Variants in SMAD2 observed in about 807,000 individuals in gnomAD.
SMAD2 encodes the protein MAD homolog 2.
A neutral mutation model predicts 64.4 loss-of-function variants in SMAD2; 8 were observed. That is an observed-to-expected ratio of 0.12 (90% CI 0.07 to 0.22). The LOEUF (loss-of-function observed/expected upper bound fraction) is 0.22, where lower values mean the gene tolerates loss of function less well. SMAD2 is among the 10% of genes least tolerant of loss of function. The pLI is 1.00. For missense variants in SMAD2, 289 were observed against 561.2 expected (o/e 0.51, Z 4.90); for synonymous variants, 203 against 195.8 (o/e 1.04, Z -0.31).
At chr18:47,882,646 G>A (rs1388080982) in intron 2 of SMAD2, among the ~76,000 whole-genome samples, 1 of 152,142 alleles carries the variant, frequency 6.6e-6, no homozygotes, top group Non-Finnish European at 1.5e-5. Flanking sequence ...TCAGGGTTAT[G>A]TGAGCCTCAT....
At chr18:47,855,600 A>G (rs1296939828) in intron 6 of SMAD2, among the ~76,000 whole-genome samples, 4 of 152,032 alleles carry the variant, frequency 2.6e-5, no homozygotes, top group African/African-American at 9.7e-5. Context: ...TTTACTGGTT[A>G]TAGTATTCTT....
intron 1 of SMAD2, among the ~76,000 whole-genome samples, chr18:47,900,799 T>C (rs2144488477): frequency 6.6e-6 from 1 of 152,304 alleles, no homozygotes; most frequent in Admixed American, 6.5e-5. Context: ...TTTCAATCAG[T>C]TTAAAATATT....
intron 1 of SMAD2, among the ~76,000 whole-genome samples, chr18:47,913,726 T>C (rs200392597): frequency 6.6e-6 from 1 of 152,184 alleles, no homozygotes; most frequent in African/African-American, 2.4e-5. Flanking sequence ...AAAAGAAAAC[T>C]AGATTTATAA....
In SMAD2 at chr18:47,849,222, C is replaced by T. The variant is rs1379541921; in HGVS notation, c.785-535G>A. Reference sequence around the variant, plus strand: ...TACCCTAGCTACAAAAAGAGAAAACCCACTCATACATAAGAACCAGAAAGC... The same window carrying T: ...TACCCTAGCTACAAAAAGAGAAAACTCACTCATACATAAGAACCAGAAAGC... On this transcript the variant is annotated intron_variant, in intron 7 of 10. Transcript: ENST00000262160. 2.6e-5 allele frequency among the ~76,000 whole-genome samples: 4 copies of T among 151,746 alleles called. No individual in the cohort carries two copies. The East Asian group carries it at 5.8e-4, about 22-fold the overall frequency.
intron 6 of SMAD2, among the ~76,000 whole-genome samples, chr18:47,862,577 A>G: frequency 6.6e-6 from 1 of 152,204 alleles, no homozygotes; most frequent in East Asian, 1.9e-4. Context: ...ATTAGGGCCC[A>G]TCGTACTTCA....
chr18:47,874,987 T>G (rs2032183429), intron 2 of SMAD2, among the ~76,000 whole-genome samples: 1 of 152,156 alleles, frequency 6.6e-6, no homozygotes, highest in South Asian at 2.1e-4. Context: ...TCTAAAACAT[T>G]AGAGGCACAT....
At chr18:47,888,845 C>G (rs2033045026) in intron 2 of SMAD2, among the ~76,000 whole-genome samples, 1 of 152,102 alleles carries the variant, frequency 6.6e-6, no homozygotes, top group African/African-American at 2.4e-5. Flanking sequence ...TGGACAATAA[C>G]AGAAGCAGAC....
intron 1 of SMAD2, among the ~76,000 whole-genome samples, chr18:47,905,309 CTG>C (rs1454360393): frequency 6.6e-6 from 1 of 152,074 alleles, no homozygotes; most frequent in African/African-American, 2.4e-5. Context: ...ATGAAAAACA[CTG>C]AACAAAGAGA....
In SMAD2 at chr18:47,809,837, G is replaced by C. The variant is rs1392486193; in HGVS notation, c.*31990C>G. The C allele has an allele frequency of 6.6e-6, 1 of 152,266 alleles. No individual in the cohort carries two copies. Among genetic ancestry groups the C allele is most frequent in the East Asian group, 1.9e-4 (1 of 5,184 alleles). The allele number at this position is 152,266 out of a possible 1,614,324, so 9.4% of individuals were successfully genotyped here. A position where few individuals can be genotyped will look rare whatever the true frequency, so the allele number is the denominator to read the frequency against. On this transcript the variant is annotated 3_prime_UTR_variant, in exon 11 of 11. Transcript: ENST00000262160. Reference sequence around the variant, plus strand: ...TTCTTTTTAATTCTCCAACCAAAAAGAACTACTCATTTCCTTTTGCCTCAT... The same window carrying C: ...TTCTTTTTAATTCTCCAACCAAAAACAACTACTCATTTCCTTTTGCCTCAT...
At chr18:47,860,911 C>T (rs1314588936) in intron 6 of SMAD2, among the ~76,000 whole-genome samples, 2 of 152,082 alleles carry the variant, frequency 1.3e-5, no homozygotes, top group Non-Finnish European at 1.5e-5. Context: ...AAAATATCCA[C>T]AATTAACATC....
Position 47,841,478 on chromosome 18 carries a change from A to G in SMAD2, c.*349T>C. 2.5e-6 allele frequency: 1 copy of G among 398,998 alleles called. No individual in the cohort carries two copies. Among genetic ancestry groups the G allele is most frequent in the East Asian group, 4.0e-5 (1 of 24,928 alleles). 24.7% of individuals were successfully genotyped at this position (398,998 alleles called of 1,614,324 possible). A position where few individuals can be genotyped will look rare whatever the true frequency, so the allele number is the denominator to read the frequency against. On this transcript the variant is annotated 3_prime_UTR_variant, in exon 11 of 11. Coordinates refer to ENST00000262160, the MANE Select transcript of SMAD2 (RefSeq NM_005901.6). ...ATCTATGCAAACTAAAAATGTATAT[A>G]AACAGCACAATACTGTGATACTGGA... is the stretch of plus-strand genomic sequence containing the variant.
At chr18:47,882,883 T>G (rs970736676) in intron 2 of SMAD2, among the ~76,000 whole-genome samples, 1 of 152,224 alleles carries the variant, frequency 6.6e-6, no homozygotes, top group Non-Finnish European at 1.5e-5. Flanking sequence ...TCATCAAATT[T>G]AATGGCATAA....
At chr18:47,845,943 C>T (rs1023757448) in intron 8 of SMAD2, 143 bp from the exon 9 acceptor site, 4 of 727,434 alleles carry the variant, frequency 5.5e-6, no homozygotes, top group South Asian at 4.7e-5. Context: ...TGAAGTCTAA[C>T]TTTAAATATA....
chr18:47,851,488 G>T (rs185068236), intron 6 of SMAD2, among the ~76,000 whole-genome samples, 161 bp from the exon 7 acceptor site: 2 of 142,688 alleles, frequency 1.4e-5, no homozygotes, highest in African/African-American at 5.1e-5. Context: ...AGTTTAATTT[G>T]TGGGGGGTCG....
chr18:47,845,040 G>A (rs1014659023), intron 10 of SMAD2: 4 of 573,344 alleles, frequency 7.0e-6, no homozygotes, highest in African/African-American at 1.9e-5. Context: ...TGAGCACCGT[G>A]TGCAAACATC....
In SMAD2 at chr18:47,826,480, C is replaced by A. The variant is rs1488995941; in HGVS notation, c.*15347G>T. 1 of 152,222 alleles carries A rather than the reference C, an allele frequency of 6.6e-6. No individual in the cohort carries two copies. The highest frequency in any genetic ancestry group is 2.4e-5 in the African/African-American group (1 of 41,460). 9.4% of individuals were successfully genotyped at this position (152,222 alleles called of 1,614,324 possible). A position where few individuals can be genotyped will look rare whatever the true frequency, so the allele number is the denominator to read the frequency against. On this transcript the variant is annotated 3_prime_UTR_variant, in exon 11 of 11. Coordinates refer to ENST00000262160, the MANE Select transcript of SMAD2 (RefSeq NM_005901.6). ...CATGAAAGGGAGTTATGGGATTGGG[C>A]TTGGCTGTTGTTGCCTTCTACAACC...
intron 4 of SMAD2, among the ~76,000 whole-genome samples, chr18:47,868,771 C>T (rs1190070369): frequency 1.3e-5 from 2 of 152,156 alleles, no homozygotes; most frequent in African/African-American, 4.8e-5. Context: ...TCTGTAAAAT[C>T]AGATATAGGA....
intron 2 of SMAD2, among the ~76,000 whole-genome samples, chr18:47,873,419 AAAAT>A (rs1364210101): frequency 2.0e-5 from 3 of 152,226 alleles, no homozygotes; most frequent in African/African-American, 7.2e-5. Flanking sequence ...AATCTCAATA[AAAAT>A]AAATGTTTTA....
intron 6 of SMAD2, among the ~76,000 whole-genome samples, chr18:47,851,637 A>G (rs1296791998): frequency 6.6e-6 from 1 of 152,078 alleles, no homozygotes; most frequent in Non-Finnish European, 1.5e-5. Context: ...CACATAAGCA[A>G]ATACATTTTT....
Sources: gnomAD v4.1 joint callset for allele counts (sites outside exome capture counted in the v4.1 genomes callset) on GRCh38, gnomAD v4.1.1 for gene constraint, MANE v1.5 for transcripts, NCBI Gene and HGNC (gene_info 2026-07-23, HGNC 2026-07-21) for gene names.